Variants in CSMD2 observed in about 807,000 individuals in gnomAD.
The protein encoded by CSMD2 is CUB and Sushi multiple domains 2.
A neutral mutation model predicts 398.5 loss-of-function variants in CSMD2; 130 were observed. The observed-to-expected ratio is 0.33, with a 90% CI of 0.28 to 0.38. CSMD2 has a LOEUF of 0.38. CSMD2 is among the 10% of genes least tolerant of loss of function. The probability of loss-of-function intolerance (pLI) is 1.00; values close to 1 mark genes in which losing one functional copy is unlikely to be tolerated. For missense variants in CSMD2, 3,829 were observed against 4,764.9 expected (o/e 0.80, Z 5.78); for synonymous variants, 1,828 against 1,908.5 (o/e 0.96, Z 1.10).
At chr1:33,542,208 G>A (rs1049827889) in intron 58 of CSMD2, among the ~76,000 whole-genome samples, 1 of 152,220 alleles carries the variant, frequency 6.6e-6, no homozygotes, top group African/African-American at 2.4e-5. Flanking sequence ...CTACCCTTGA[G>A]AGAAGCAAGA....
intron 44 of CSMD2, among the ~76,000 whole-genome samples, chr1:33,590,019 C>G (rs190272036): frequency 3.6e-4 from 54 of 151,496 alleles, no homozygotes; most frequent in African/African-American, 1.3e-3. Flanking sequence ...TAAACTTTTC[C>G]AGGAAAAAAA....
intron 13 of CSMD2, among the ~76,000 whole-genome samples, chr1:33,749,186 C>G (rs183780075): frequency 8.2e-4 from 123 of 150,756 alleles, no homozygotes; most frequent in Admixed American, 4.6e-3. Flanking sequence ...CAGGCTCCAC[C>G]CCCCCAGGTT....
chr1:33,637,122 G>C (rs566492543), intron 29 of CSMD2, among the ~76,000 whole-genome samples: 1 of 152,236 alleles, frequency 6.6e-6, no homozygotes, highest in East Asian at 1.9e-4. Flanking sequence ...AGTAGAGCTG[G>C]CATCTGTTCT....
intron 44 of CSMD2, chr1:33,599,893 G>T (rs983288279): frequency 4.6e-6 from 2 of 435,386 alleles, no homozygotes; most frequent in Non-Finnish European, 8.1e-6. Flanking sequence ...GTGCACGCAT[G>T]ATGTAATAAC....
At chr1:33,674,289 A>T (rs181986047) in intron 25 of CSMD2, among the ~76,000 whole-genome samples, 36 of 150,630 alleles carry the variant, frequency 2.4e-4, no homozygotes, top group African/African-American at 8.5e-4. Context: ...GAAAACAAAA[A>T]AAGGCAGGGG....
At chr1:33,530,064 G>A (rs1655104544) in intron 64 of CSMD2, among the ~76,000 whole-genome samples, 2 of 152,090 alleles carry the variant, frequency 1.3e-5, no homozygotes, top group South Asian at 4.1e-4. Context: ...AATGATACAG[G>A]CAACAAAAGC....
chr1:33,919,129 C>T (rs1643865980), intron 4 of CSMD2, among the ~76,000 whole-genome samples: 1 of 152,176 alleles, frequency 6.6e-6, no homozygotes, highest in Non-Finnish European at 1.5e-5. Flanking sequence ...TGAGATCGAG[C>T]TAAGGTCGTG....
intron 12 of CSMD2, among the ~76,000 whole-genome samples, chr1:33,776,651 A>G (rs990509506): frequency 3.9e-5 from 6 of 152,092 alleles, no homozygotes; most frequent in African/African-American, 1.2e-4. Flanking sequence ...CAGTTCCTGT[A>G]GAAGTAGAGA....
chr1:33,667,527 T>TA (rs1348733641), intron 25 of CSMD2, among the ~76,000 whole-genome samples: 1 of 152,174 alleles, frequency 6.6e-6, no homozygotes, highest in Non-Finnish European at 1.5e-5. Context: ...GTGCTTCTAC[T>TA]CTCTCCTAAC....
chr1:33,748,812 A>G (rs1647761954), intron 13 of CSMD2, among the ~76,000 whole-genome samples: 1 of 152,200 alleles, frequency 6.6e-6, no homozygotes, highest in South Asian at 2.1e-4. Flanking sequence ...TGTGTATATT[A>G]TATGAAACTC....
At chr1:33,847,826 G>T (rs577463805) in intron 5 of CSMD2, among the ~76,000 whole-genome samples, 15 of 152,086 alleles carry the variant, frequency 9.9e-5, no homozygotes, top group Non-Finnish European at 1.5e-4. Context: ...TGGGGATCAT[G>T]ATGACCCCTC....
chr1:34,093,579 GA>G (rs1302115216), intron 1 of CSMD2, among the ~76,000 whole-genome samples: 1 of 151,818 alleles, frequency 6.6e-6, no homozygotes, highest in Non-Finnish European at 1.5e-5. Context: ...TGATGGAGCT[GA>G]AAACCAAGGC....
rs576300157 is a variant in CSMD2 at position 33,898,250 on chromosome 1, C to T, written c.920+19844G>A. The stretch of plus-strand genomic sequence containing the variant: ...GTTGCGGTTCTTGTTGAAGGGATAT[C>T]GTGGAGTCATTGCCAGACTCCGAAG... On this transcript the variant is annotated intron_variant, in intron 5 of 70. Coordinates refer to ENST00000373381, the MANE Select transcript of CSMD2 (RefSeq NM_001281956.2). Among the ~76,000 whole-genome samples, 10 of 152,278 alleles carry T rather than the reference C, an allele frequency of 6.6e-5. No individual in the cohort carries two copies. The East Asian group carries it at 1.2e-3, about 18-fold the overall frequency.
chr1:33,755,930 C>T (rs1006377117), intron 13 of CSMD2, among the ~76,000 whole-genome samples: 1 of 151,610 alleles, frequency 6.6e-6, no homozygotes, highest in East Asian at 1.9e-4. Flanking sequence ...TCTTTTTTTT[C>T]TGCCCAGTTT....
intron 13 of CSMD2, among the ~76,000 whole-genome samples, chr1:33,763,755 A>G (rs1394662620): frequency 6.6e-6 from 1 of 152,200 alleles, no homozygotes. Flanking sequence ...GCTAAGCATG[A>G]TGGTACTTTG....
At chr1:33,854,711 T>C (rs1351943004) in intron 5 of CSMD2, among the ~76,000 whole-genome samples, 1 of 152,180 alleles carries the variant, frequency 6.6e-6, no homozygotes, top group Admixed American at 6.5e-5. Flanking sequence ...CTCAACAAAT[T>C]ATCAGAACTC....
chr1:33,857,997 T>C (rs1006358816), intron 5 of CSMD2, among the ~76,000 whole-genome samples: 4 of 152,212 alleles, frequency 2.6e-5, no homozygotes, highest in African/African-American at 9.6e-5. Flanking sequence ...TATCCTTTCA[T>C]AGGTAGCCAG....
intron 1 of CSMD2, among the ~76,000 whole-genome samples, chr1:34,146,023 C>A (rs181044295): frequency 6.6e-6 from 1 of 152,290 alleles, no homozygotes; most frequent in African/African-American, 2.4e-5. Flanking sequence ...CAGGCCAAGC[C>A]ATGTTCTTCA....
Position 33,716,402 on chromosome 1 carries a change from G to C in CSMD2, c.3101C>G (p.Thr1034Ser). Reference protein sequence around the residue: ...GSFTQPLRQLTGSRLPAPISA... With the variant: ...GSFTQPLRQLSGSRLPAPISA... ...GATGGGAGCTGGCAGCCGAGATCCA[G>C]TTAGCTGCCTCAGGGGCTGGGTGAA... Residue 1034 changes from threonine to serine, a missense_variant, in exon 20 of 71, where the codon ACT becomes AGT. Transcript: ENST00000373381. 6.2e-7 allele frequency: 1 copy of C among 1,614,130 alleles called. No homozygotes were observed. The highest frequency in any genetic ancestry group is 8.5e-7 in the Non-Finnish European group (1 of 1,180,018).
Sources: allele counts gnomAD v4.1 joint callset (sites outside exome capture counted in the v4.1 genomes callset), GRCh38; gene constraint gnomAD v4.1.1; transcripts MANE v1.5; gene names NCBI Gene and HGNC (gene_info 2026-07-23, HGNC 2026-07-21).